The following FLNA variants were observed in gnomAD, a reference collection of about 807,000 sequenced individuals.
FLNA encodes the protein filamin-A.
Under a neutral mutation model 157.6 loss-of-function variants are expected in FLNA, and 7 were observed. The observed-to-expected ratio is 0.04, with a 90% CI of 0.03 to 0.08. The LOEUF (loss-of-function observed/expected upper bound fraction) is 0.08. Ranked by LOEUF, FLNA falls within the 10% of genes least tolerant of loss-of-function variation. The pLI is 1.00. For synonymous variants in FLNA, 1,103 were observed against 1,060.8 expected (o/e 1.04, Z -0.77); for missense variants, 1,750 against 2,398.4 (o/e 0.73, Z 5.65).
rs1557175305 is a variant in FLNA, at chrX:154,349,513, T to C, written c.7605A>G (p.Val2535=). The C allele has an allele frequency of 8.2e-7, 1 of 1,212,214 alleles. No homozygotes were observed. The highest frequency in any genetic ancestry group is 1.1e-6 in the Non-Finnish European group (1 of 895,533). ...CACAGGTGGCCTTGGTCAGAGAGTC[T>C]ACAAACACTGATGATGTCTCGTGGA... ...HSLHETSSVF[V]DSLTKATCAP... Residue 2535 remains valine, a synonymous_variant, in exon 47 of 48, where the codon GTA becomes GTG. Coordinates refer to ENST00000369850, the MANE Select transcript of FLNA (RefSeq NM_001110556.2).
At position 154,364,063 on chromosome X, in the gene FLNA, C is replaced by T. The variant is rs782626976; in HGVS notation, c.2239G>A (p.Val747Met). ...PRKPVKHTAM[V>M]SWGGVSIPNS... ...GGGATGCTGACGCCTCCCCAGGACA[C>T]CATGGCTGTGTGCTTCACCGGCTTC... The change falls in exon 15 of 48, where the codon GTG (valine) becomes ATG (methionine). Residue 747 changes from valine (V) to methionine (M), a missense_variant. Physicochemically the swap from Val to Met is conservative, Grantham distance 21 (BLOSUM62 1). This residue lies in a region of FLNA where 648 missense variants were observed against 805.8 expected (regional missense o/e 0.80). Transcript: ENST00000369850. The T allele has an allele frequency of 8.3e-7, 1 of 1,211,528 alleles. No homozygotes were observed.
At chrX:154,358,954 A>G (rs781817984) in intron 26 of FLNA, 30 bp downstream of exon 26, 1 of 1,205,251 alleles carries the variant, frequency 8.3e-7, no homozygotes, top group Non-Finnish European at 1.1e-6. Context: ...TGCCCTCCTG[A>G]CCCCTGGCTC....
At chrX:154,355,236 AGTG>A (rs1450524520) in intron 30 of FLNA, among the ~76,000 whole-genome samples, 164 bp from the exon 31 acceptor site, 1 of 113,347 alleles carries the variant, frequency 8.8e-6, no homozygotes, top group Non-Finnish European at 1.9e-5. Context: ...TGGGATGGCG[AGTG>A]GTTTCTCAGA....
Position 154,353,170 on chromosome X carries a change from G to A in FLNA, c.6057C>T (p.His2019=). The change falls in exon 38 of 48, where the codon CAC becomes CAT. Residue 2019 remains histidine, a synonymous_variant. Coordinates refer to ENST00000369850, the MANE Select transcript of FLNA (RefSeq NM_001110556.2). ...GGCCATTTTTCTTCACATGCACCAG[G>A]TGCTCCCCCGTCTCCTTGGGCACGA... ...ISFVPKETGE[H]LVHVKKNGQH... The A allele has an allele frequency of 8.3e-7, 1 of 1,211,510 alleles. No individual in the cohort carries two copies. Among genetic ancestry groups the A allele is most frequent in the Non-Finnish European group, 1.1e-6 (1 of 895,499 alleles).
rs1314793926 is a variant in FLNA, at chrX:154,362,798, G to A, written c.2281-14C>T. ...TCCCACATTCACCTGCAGGGCACAG[G>A]GGCAAGGGCAAGGGCATGAGCAGCC... On this transcript the variant is annotated splice_polypyrimidine_tract_variant and intron_variant, in intron 15 of 47. Coordinates refer to ENST00000369850, the MANE Select transcript of FLNA (RefSeq NM_001110556.2). The A allele has an allele frequency of 8.4e-7, 1 of 1,187,430 alleles. No homozygotes were observed. The highest frequency in any genetic ancestry group is 1.1e-6 in the Non-Finnish European group (1 of 883,037).
Position 154,352,789 on chromosome X carries a change from G to C in FLNA, c.6362C>G (p.Ala2121Gly). The part of the protein sequence containing the change: ...PGNYIINIKF[A>G]DQHVPGSPFS... The stretch of plus-strand genomic sequence containing the variant: ...GCACTCACCAGGCACGTGCTGGTCG[G>C]CAAACTTGATGTTGATGATGTAGTT... Residue 2121 changes from alanine to glycine, a missense_variant, in exon 39 of 48, where the codon GCC (alanine) becomes GGC (glycine). Transcript: ENST00000369850. 8.3e-7 allele frequency: 1 copy of C among 1,211,843 alleles called. No homozygotes were observed. Among genetic ancestry groups the C allele is most frequent in the Non-Finnish European group, 1.1e-6 (1 of 895,492 alleles).
chrX:154,350,193 G>A lies in FLNA; in HGVS notation c.7171C>T (p.Arg2391Cys), dbSNP rs1480403319. 4 of 1,210,048 alleles carry A rather than the reference G, an allele frequency of 3.3e-6. No homozygotes were observed. The highest frequency in any genetic ancestry group is 2.2e-5 in the Admixed American group (1 of 45,945). ...TEIDQDKYAV[R>C]FIPRENGVYL... ...ACGCCATTCTCCCGAGGGATGAAGC[G>A]CACAGCATACTTATCTGAGGAGCAG... Residue 2391 changes from arginine (R) to cysteine (C), a missense_variant, in exon 45 of 48, where the codon CGC (arginine) becomes TGC (cysteine). By Grantham distance (180) the Arg-to-Cys change is radical. Transcript: ENST00000369850.
At chrX:154,363,323 GGAGA>G (rs1259136048) in intron 15 of FLNA, among the ~76,000 whole-genome samples, 3 of 110,988 alleles carry the variant, frequency 2.7e-5, no homozygotes, top group African/African-American at 9.9e-5. Flanking sequence ...GGCTGAGGCA[GGAGA>G]GAATTGCTTG....
intron 9 of FLNA, 78 bp from the exon 10 acceptor site, chrX:154,365,564 T>C (rs2067751857): frequency 9.0e-7 from 1 of 1,110,730 alleles, no homozygotes; most frequent in East Asian, 3.1e-5. Flanking sequence ...GGCCGGGCTG[T>C]CAGGATTGGT....
At chrX:154,357,909 C>T (rs1360854620) in intron 28 of FLNA, among the ~76,000 whole-genome samples, 1 of 112,630 alleles carries the variant, frequency 8.9e-6, no homozygotes, top group Non-Finnish European at 1.9e-5. Flanking sequence ...GGGGTGATCT[C>T]AAGCTTCTAT....
chrX:154,350,292 G>A, intron 44 of FLNA, 85 bp from the exon 45 acceptor site: 1 of 915,959 alleles, frequency 1.1e-6, no homozygotes, highest in Non-Finnish European at 1.6e-6. Context: ...CTCAACCCTG[G>A]CCCTCCCCAT....
intron 2 of FLNA, among the ~76,000 whole-genome samples, chrX:154,370,118 G>A (rs782615741): frequency 1.8e-5 from 2 of 111,905 alleles, no homozygotes; most frequent in Non-Finnish European, 3.8e-5. Flanking sequence ...CTGGCACAAT[G>A]CACGCTGGAG....
At chrX:154,349,179 C>T in intron 47 of FLNA, 143 bp from the exon 48 acceptor site, 2 of 763,133 alleles carry the variant, frequency 2.6e-6, no homozygotes, top group South Asian at 4.8e-5. Flanking sequence ...CAACCCAGGC[C>T]AGCTTAGCAG....
Position 154,349,557 on chromosome X carries a change from G to A in FLNA, c.7561C>T (p.Leu2521Phe). 8 of 1,212,381 alleles carry A rather than the reference G, an allele frequency of 6.6e-6. No homozygotes were observed. The highest frequency in any genetic ancestry group is 8.9e-6 in the Non-Finnish European group (8 of 895,528). Residue 2521 changes from leucine to phenylalanine, a missense_variant, in exon 47 of 48, where the codon CTC becomes TTC. Leu to Phe is a conservative substitution (Grantham distance 22, BLOSUM62 0). Around this residue, in one of 5 missense-constraint regions of FLNA, gnomAD observed 970 missense variants for 1,302.6 expected, o/e 0.74. Transcript: ENST00000369850. ...PFKAKVTGPR[L>F]VSNHSLHETS... ...TCGTGGAGGCTGTGGTTGCTGACGA[G>A]ACGGGGGCCTGCAAGGCAGAGTGGG...
At chrX:154,349,261 C>T (rs1476503052) in intron 47 of FLNA, 101 bp downstream of exon 47, 8 of 937,436 alleles carry the variant, frequency 8.5e-6, no homozygotes, top group Non-Finnish European at 1.2e-5. Flanking sequence ...GAAGTGAAAG[C>T]CACGCCCCAA....
In FLNA at chrX:154,358,199, C is replaced by T. The variant is rs371787377; in HGVS notation, c.4755G>A (p.Thr1585=). 14 of 1,209,015 alleles carry T rather than the reference C, an allele frequency of 1.2e-5. No homozygotes were observed. Among genetic ancestry groups the T allele is most frequent in the Admixed American group, 2.2e-5 (1 of 45,937 alleles). ...AGEGLLAVQI[T]DPEGKPKKTH... ...TCCCCTGCCTGTGCCCGGAGCTCACCGTGATCTGGACAGCCAGCAGGCCCT... is the reference window on the plus strand; with the variant it reads ...TCCCCTGCCTGTGCCCGGAGCTCACTGTGATCTGGACAGCCAGCAGGCCCT... The change falls in exon 28 of 48, where the codon ACG becomes ACA. Residue 1585 remains threonine, a splice_region_variant and synonymous_variant. Coordinates refer to ENST00000369850, the MANE Select transcript of FLNA (RefSeq NM_001110556.2).
In FLNA at chrX:154,366,826, ACCATGTTG is replaced by A. The variant is rs886038987; in HGVS notation, c.885_892del (p.Asn296GlufsTer38). The A allele has an allele frequency of 8.3e-7, 1 of 1,210,954 alleles. No individual in the cohort carries two copies. The highest frequency in any genetic ancestry group is 1.1e-6 in the Non-Finnish European group (1 of 894,818). On this transcript the variant is annotated frameshift_variant, in exon 6 of 48. Transcript: ENST00000369850. LOFTEE classifies it high-confidence loss of function. ...CACAGTGAACTCTGCCCGCTTCTTC[ACCATGTTG>A]CCTGTGGGCTCGATGCCTGGCAGGG...
At position 154,353,340 on chromosome X, in the gene FLNA, C is replaced by T. The variant is rs782401919; in HGVS notation, c.5978G>A (p.Arg1993Gln). 50 of 1,210,776 alleles carry T rather than the reference C, an allele frequency of 4.1e-5. No homozygotes were observed. The highest frequency in any genetic ancestry group is 1.7e-4 in the African/African-American group (10 of 57,537). ...CCGCTTCAGCAAACAGGGCTCCTCC[C>T]GGCCCGAGGGCGGGACCACAGTGGC... is the stretch of plus-strand genomic sequence containing the variant. Reference protein sequence around the residue: ...LTATVVPPSGREEPCLLKRLR... With the variant: ...LTATVVPPSGQEEPCLLKRLR... Residue 1993 changes from arginine (R) to glutamine (Q), a missense_variant, in exon 37 of 48, where the codon CGG becomes CAG. This residue lies in a region of FLNA where 970 missense variants were observed against 1,302.6 expected (regional missense o/e 0.74). Coordinates refer to ENST00000369850, the MANE Select transcript of FLNA (RefSeq NM_001110556.2).
chrX:154,355,209 G>GCCCTGCCCCT (rs2067653834), intron 30 of FLNA, 137 bp from the exon 31 acceptor site: 1 of 650,389 alleles, frequency 1.5e-6, no homozygotes, highest in African/African-American at 2.2e-5. Flanking sequence ...CTCCTGCCCC[G>GCCCTGCCCCT]CCCTGCCCCT....
Sources: gnomAD v4.1 joint callset for allele counts (sites outside exome capture counted in the v4.1 genomes callset) on GRCh38, gnomAD v4.1.1 for gene constraint, gnomAD v4.1.1 regional missense constraint, MANE v1.5 for transcripts, NCBI Gene and HGNC (gene_info 2026-07-23, HGNC 2026-07-21) for gene names.